The following MYO9A variants were observed in gnomAD, a reference collection of about 807,000 sequenced individuals.
MYO9A encodes unconventional myosin-IXa.
MYO9A carries 103 observed loss-of-function variants against 293.3 expected under a neutral mutation model. That is an observed-to-expected ratio of 0.35 (90% CI 0.30 to 0.41). MYO9A has a LOEUF of 0.41. Among genes scored for constraint, MYO9A ranks in the 10% least tolerant of loss-of-function variants. The probability of loss-of-function intolerance (pLI) is 1.00; values close to 1 mark genes in which losing one functional copy is unlikely to be tolerated. For synonymous variants in MYO9A, 1,001 were observed against 1,035.7 expected (o/e 0.97, Z 0.64); for missense variants, 2,685 against 3,033.0 (o/e 0.89, Z 2.69).
chr15:71,899,865 G>A lies in MYO9A; in HGVS notation c.3292C>T (p.Arg1098Trp), dbSNP rs574455598. 1.5e-5 allele frequency: 24 copies of A among 1,614,028 alleles called. No individual in the cohort carries two copies. The East Asian group carries it at 2.5e-4, about 16-fold the overall frequency. Residue 1098 changes from arginine (R) to tryptophan (W), a missense_variant, in exon 24 of 42, where the codon CGG becomes TGG. By Grantham distance (101) the Arg-to-Trp change is moderately radical. Around this residue, in one of 10 missense-constraint regions of MYO9A, gnomAD observed 1,434 missense variants for 1,497.7 expected, o/e 0.96. Transcript: ENST00000356056. ...TGCTGGATAACGATGGCTGCAGCCC[G>A]TAACTCCAAGTACCGCTGCCTCTCT... ...HLERQRYLEL[R>W]AAAIVIQQKW...
chr15:71,866,834 G>A (rs913766406), intron 32 of MYO9A, among the ~76,000 whole-genome samples: 10 of 152,060 alleles, frequency 6.6e-5, no homozygotes, highest in Non-Finnish European at 1.3e-4. Context: ...CGAGGCGGGT[G>A]GATCACAAAG....
At chr15:71,976,705 C>G (rs1184107038) in intron 12 of MYO9A, among the ~76,000 whole-genome samples, 1 of 152,140 alleles carries the variant, frequency 6.6e-6, no homozygotes, top group Non-Finnish European at 1.5e-5. Context: ...ATGCAAGAAA[C>G]TTTTACAAAA....
chr15:71,968,946 A>G (rs2075944288), intron 12 of MYO9A, among the ~76,000 whole-genome samples: 2 of 152,236 alleles, frequency 1.3e-5, no homozygotes, highest in Admixed American at 1.3e-4. Context: ...CTAATGTGTA[A>G]AAATCATTCC....
intron 18 of MYO9A, among the ~76,000 whole-genome samples, chr15:71,921,152 C>T (rs2058146064): frequency 6.6e-6 from 1 of 152,084 alleles, no homozygotes; most frequent in African/African-American, 2.4e-5. Flanking sequence ...GTGACAGTTT[C>T]AAGTTAGGAG....
At chr15:72,080,944 TTTTC>T (rs1199013674) in intron 1 of MYO9A, among the ~76,000 whole-genome samples, 7 of 152,316 alleles carry the variant, frequency 4.6e-5, no homozygotes, top group Admixed American at 4.6e-4. Context: ...ATACACCACA[TTTTC>T]TTTACCGGTC....
At chr15:71,863,408 G>T (rs896915739) in intron 32 of MYO9A, among the ~76,000 whole-genome samples, 1 of 151,644 alleles carries the variant, frequency 6.6e-6, no homozygotes, top group Admixed American at 6.6e-5. Flanking sequence ...AACAATAAAT[G>T]TATTATACAT....
intron 6 of MYO9A, among the ~76,000 whole-genome samples, chr15:72,015,828 C>T (rs1031524181): frequency 1.3e-5 from 2 of 151,948 alleles, no homozygotes; most frequent in African/African-American, 4.8e-5. Flanking sequence ...GCTGGGACTA[C>T]AGGCGCCCGC....
At chr15:71,881,653 T>A (rs1282796816) in intron 28 of MYO9A, among the ~76,000 whole-genome samples, 3 of 152,150 alleles carry the variant, frequency 2.0e-5, no homozygotes, top group African/African-American at 7.2e-5. Context: ...TAATCCCATA[T>A]TAGCATTAAA....
chr15:71,935,608 A>C, intron 16 of MYO9A, 124 bp from the exon 17 acceptor site: 1 of 900,098 alleles, frequency 1.1e-6, no homozygotes, highest in Non-Finnish European at 1.6e-6. Context: ...ACCAACCAAA[A>C]ACTGATTTCA....
At chr15:72,102,662 C>G (rs2080398147) in intron 1 of MYO9A, among the ~76,000 whole-genome samples, 2 of 152,078 alleles carry the variant, frequency 1.3e-5, no homozygotes, top group Admixed American at 6.6e-5. Flanking sequence ...ATACACGTCT[C>G]TAATGGAGTC....
intron 2 of MYO9A, among the ~76,000 whole-genome samples, chr15:72,042,909 T>C (rs541201511): frequency 1.1e-4 from 17 of 151,420 alleles, no homozygotes; most frequent in African/African-American, 3.9e-4. Flanking sequence ...CTACTAAAAA[T>C]TAAAAAAAAA....
At chr15:71,855,585 T>C (rs1297879617) in intron 34 of MYO9A, among the ~76,000 whole-genome samples, 1 of 152,196 alleles carries the variant, frequency 6.6e-6, no homozygotes, top group African/African-American at 2.4e-5. Flanking sequence ...CAAATCTGTC[T>C]TTCCTTCTCC....
intron 1 of MYO9A, among the ~76,000 whole-genome samples, chr15:72,068,930 C>A (rs1172198475): frequency 2.0e-5 from 3 of 152,150 alleles, no homozygotes; most frequent in Admixed American, 6.6e-5. Context: ...GAAAGGCACA[C>A]TATTATGTCT....
intron 1 of MYO9A, among the ~76,000 whole-genome samples, chr15:72,080,562 T>C (rs2079513678): frequency 6.6e-6 from 1 of 151,994 alleles, no homozygotes; most frequent in African/African-American, 2.4e-5. Context: ...AGTAAGCTAC[T>C]TAAAAAATGT....
rs2078390563 is a variant in MYO9A, at chr15:72,046,557, T to C, written c.7A>G (p.Ile3Val). The part of the protein sequence containing the change: MN[I>V]NDGGRRRFED... ...AAGCGTCGTCTTCCTCCATCATTTA[T>C]ATTCATATTGGATCCTGTCCCATCA... The change falls in exon 2 of 42, where the codon ATA becomes GTA. Residue 3 changes from isoleucine (I) to valine (V), a missense_variant. By Grantham distance (29) the Ile-to-Val change is conservative (BLOSUM62 3). Around this residue, in one of 10 missense-constraint regions of MYO9A, gnomAD observed 67 missense variants for 63.2 expected, o/e 1.06. Transcript: ENST00000356056. The C allele has an allele frequency of 1.3e-6, 2 of 1,593,922 alleles. No homozygotes were observed. The highest frequency in any genetic ancestry group is 2.3e-5 in the South Asian group (2 of 88,116).
intron 1 of MYO9A, among the ~76,000 whole-genome samples, chr15:72,061,561 C>T (rs570336741): frequency 6.6e-6 from 1 of 152,122 alleles, no homozygotes; most frequent in South Asian, 2.1e-4. Context: ...GTACTCACCA[C>T]AGGCCTGGGG....
chr15:71,842,939 G>A lies in MYO9A; in HGVS notation c.6837+5906C>T, dbSNP rs2055225381. Among the ~76,000 whole-genome samples the A allele has an allele frequency of 2.0e-5, 3 of 151,910 alleles. No individual in the cohort carries two copies. In the South Asian group the frequency reaches 6.2e-4, roughly 32 times the overall value. The stretch of plus-strand genomic sequence containing the variant: ...CATGTGTGTGTGTGTGTATGGGGCG[G>A]GGGGTGGTGAGGATCAATGTTAGAC... On this transcript the variant is annotated intron_variant, in intron 39 of 41. Transcript: ENST00000356056.
rs2054350156 is a variant in MYO9A, at chr15:71,823,442, T to A, written c.*3138A>T. 1 of 152,220 alleles carries A rather than the reference T, an allele frequency of 6.6e-6. No homozygotes were observed. Among genetic ancestry groups the A allele is most frequent in the Admixed American group, 6.5e-5 (1 of 15,280 alleles). The allele number at this position is 152,220 out of a possible 1,614,324, so 9.4% of individuals were successfully genotyped here. On this transcript the variant is annotated 3_prime_UTR_variant, in exon 42 of 42. Coordinates refer to ENST00000356056, the MANE Select transcript of MYO9A (RefSeq NM_006901.4). ...AGAAGGTGGGGGCTCTAGTATTCCA[T>A]CCCAGGACCTCTGGCCCTTTTGTCT...
At chr15:72,078,406 C>G (rs2079437201) in intron 1 of MYO9A, among the ~76,000 whole-genome samples, 1 of 151,974 alleles carries the variant, frequency 6.6e-6, no homozygotes, top group African/African-American at 2.4e-5. Flanking sequence ...GTGAGAGGAT[C>G]CCTTGAACCA....
Sources: gnomAD v4.1 joint callset for allele counts (sites outside exome capture counted in the v4.1 genomes callset) on GRCh38, gnomAD v4.1.1 for gene constraint, gnomAD v4.1.1 regional missense constraint, MANE v1.5 for transcripts, NCBI Gene and HGNC (gene_info 2026-07-23, HGNC 2026-07-21) for gene names.